Variants in SPEN observed in about 807,000 individuals in gnomAD.
SPEN encodes the protein msx2-interacting protein.
In SPEN, 18 loss-of-function variants were observed where a neutral mutation model predicts 269.9. The observed-to-expected ratio is 0.07, with a 90% confidence interval of 0.05 to 0.10. The LOEUF (loss-of-function observed/expected upper bound fraction) is 0.10, where lower values mean the gene tolerates loss of function less well. Among genes scored for constraint, SPEN ranks in the 10% least tolerant of loss-of-function variants. The pLI is 1.00. For synonymous variants in SPEN, 1,726 were observed against 1,765.7 expected (o/e 0.98, Z 0.56); for missense variants, 3,822 against 4,631.2 (o/e 0.83, Z 5.07).
At position 15,879,693 on chromosome 1, in the gene SPEN, C is replaced by T. The variant is rs113577827; in HGVS notation, c.881+3015C>T. On this transcript the variant is annotated intron_variant, in intron 3 of 14. Coordinates refer to ENST00000375759, the MANE Select transcript of SPEN (RefSeq NM_015001.3). ...CAGACAAATTTTTTTTTTTTTGAGG[C>T]GGAGTCTCGCTCTGTCACCCAGGCT... Among the ~76,000 whole-genome samples, 1,150 of 148,426 alleles carry T rather than the reference C, an allele frequency of 7.7e-3. 26 individuals are homozygous for T. Among genetic ancestry groups the T allele is most frequent in the African/African-American group, 0.027 (1,092 of 40,434 alleles).
At position 15,876,689 on chromosome 1, in the gene SPEN, A is replaced by G. The variant is rs1294906260; in HGVS notation, c.881+11A>G. ...TACCAGCAGTGACAGGTAGGTTAACAGCCTTTTGTTATAACAGATGAGCTA... is the reference window on the plus strand; with the variant it reads ...TACCAGCAGTGACAGGTAGGTTAACGGCCTTTTGTTATAACAGATGAGCTA... On this transcript the variant is annotated intron_variant, in intron 3 of 14. Transcript: ENST00000375759. 1.9e-6 allele frequency: 3 copies of G among 1,592,934 alleles called. No individual in the cohort carries two copies. In the African/African-American group the frequency reaches 4.0e-5, roughly 21 times the overall value.
rs753620435 is a variant in SPEN, at chr1:15,872,969, T to C, written c.237T>C (p.Asn79=). ...MGDRDLRTDY[N]EPGTIPSAAR... ...ACAGAGACCTACGCACGGATTATAA[T>C]GAACCAGGCACCATCCCGAGTGCTG... Residue 79 remains asparagine, a synonymous_variant, in exon 2 of 15, where the codon AAT becomes AAC. Transcript: ENST00000375759. 6.2e-7 allele frequency: 1 copy of C among 1,614,154 alleles called. No individual in the cohort carries two copies. Among genetic ancestry groups the C allele is most frequent in the Non-Finnish European group, 8.5e-7 (1 of 1,180,020 alleles).
At chr1:15,883,715 ATT>A (rs112580388) in intron 3 of SPEN, among the ~76,000 whole-genome samples, 6 of 148,446 alleles carry the variant, frequency 4.0e-5, no homozygotes, top group African/African-American at 1.2e-4. Context: ...CTGTCTGTAT[ATT>A]TTTTTTTAAT....
In SPEN at chr1:15,932,058, G is replaced by A. The variant is rs755331266; in HGVS notation, c.5818G>A (p.Glu1940Lys). Residue 1940 changes from glutamate (E) to lysine (K), a missense_variant, in exon 11 of 15, where the codon GAG becomes AAG. Transcript: ENST00000375759. This position sits in a 1 kb window ranked among gnomAD's most constrained non-coding sequence, Gnocchi z 4.2. ...TRKRLERELQEAAAVPTTPRR... is the reference protein window; with the variant it reads ...TRKRLERELQKAAAVPTTPRR... ...AAAGAGATTGGAGCGAGAGCTTCAGGAGGCTGCAGCGGTTCCCACCACCCC... is the reference window on the plus strand; with the variant it reads ...AAAGAGATTGGAGCGAGAGCTTCAGAAGGCTGCAGCGGTTCCCACCACCCC... 5.4e-5 allele frequency: 87 copies of A among 1,614,090 alleles called. No homozygotes were observed. The highest frequency in any genetic ancestry group is 9.3e-5 in the African/African-American group (7 of 74,936).
intron 5 of SPEN, among the ~76,000 whole-genome samples, chr1:15,914,787 G>A (rs1487304769): frequency 6.6e-6 from 1 of 152,068 alleles, no homozygotes; most frequent in Non-Finnish European, 1.5e-5. Context: ...TTGCTCCGCT[G>A]CACTCCAGCC....
Position 15,934,540 on chromosome 1 carries a change from T to C in SPEN, c.8300T>C (p.Ile2767Thr), listed in dbSNP as rs780621952. 1.9e-6 allele frequency: 3 copies of C among 1,614,046 alleles called. No homozygotes were observed. In the Admixed American group the frequency reaches 5.0e-5, roughly 27 times the overall value. The change falls in exon 11 of 15, where the codon ATT (isoleucine) becomes ACT (threonine). Residue 2767 changes from isoleucine to threonine, a missense_variant. Ile to Thr is a moderately conservative substitution (Grantham distance 89). Around this residue, in one of 16 missense-constraint regions of SPEN, gnomAD observed 329 missense variants for 431.2 expected, o/e 0.76. Coordinates refer to ENST00000375759, the MANE Select transcript of SPEN (RefSeq NM_015001.3). The surrounding 1 kb of genome is among the most constrained non-coding windows in gnomAD (Gnocchi z 9.2). ...ACGGTGACAATGGCAGGGGCAGTGA[T>C]TGCGCCGTCAACAAAGTGCAAACAG... ...TGTVTMAGAV[I>T]APSTKCKQRA...
intron 2 of SPEN, chr1:15,874,510 C>A: frequency 1.4e-6 from 1 of 731,746 alleles, no homozygotes; most frequent in Non-Finnish European, 1.9e-6. Flanking sequence ...AGAGAATAGC[C>A]ATTAGATTTC....
intron 3 of SPEN, among the ~76,000 whole-genome samples, chr1:15,905,864 T>C (rs527279063): frequency 6.6e-6 from 1 of 152,336 alleles, no homozygotes; most frequent in South Asian, 2.1e-4. Context: ...TGAGCTACCG[T>C]GCTCGGCCCT....
chr1:15,849,860 T>G (rs1359809045), intron 1 of SPEN, among the ~76,000 whole-genome samples: 1 of 152,176 alleles, frequency 6.6e-6, no homozygotes, highest in Non-Finnish European at 1.5e-5. Context: ...CCTGTGGACT[T>G]TCTCTGTAGG....
rs1445557546 is a variant in SPEN, at chr1:15,930,827, T to G, written c.4587T>G (p.Arg1529=). Residue 1529 remains arginine (R), a synonymous_variant, in exon 11 of 15, where the codon CGT becomes CGG. Coordinates refer to ENST00000375759, the MANE Select transcript of SPEN (RefSeq NM_015001.3). This position sits in a 1 kb window ranked among gnomAD's most constrained non-coding sequence, Gnocchi z 5.3. ...AGAGGCAGGAATTGTTTGCTTCTCG[T>G]TTTTTACACAGCTCAATCTTTGAAC... ...EQERQELFAS[R]FLHSSIFEQD... is the part of the protein sequence containing the mutation. 1.2e-6 allele frequency: 2 copies of G among 1,614,026 alleles called. No individual in the cohort carries two copies. The highest frequency in any genetic ancestry group is 1.7e-6 in the Non-Finnish European group (2 of 1,180,028).
intron 5 of SPEN, 30 bp from the exon 6 acceptor site, chr1:15,916,098 C>G: frequency 1.3e-6 from 2 of 1,587,614 alleles, no homozygotes; most frequent in Non-Finnish European, 8.5e-7. Context: ...ACTGTCTTCT[C>G]TTTTTACTCG....
rs2071201814 is a variant in SPEN, at chr1:15,929,617, G to A, written c.3377G>A (p.Arg1126Lys). 2 of 1,613,986 alleles carry A rather than the reference G, an allele frequency of 1.2e-6. No homozygotes were observed. The highest frequency in any genetic ancestry group is 8.5e-7 in the Non-Finnish European group (1 of 1,180,010). ...GTATTAGATGATCAAGGACCAGAGA[G>A]AGAAGACGTTAGGAAAAACTATTGC... ...LQVLDDQGPE[R>K]EDVRKNYCSL... The change falls in exon 11 of 15, where the codon AGA (arginine) becomes AAA (lysine). Residue 1126 changes from arginine to lysine, a missense_variant. Arg to Lys is a conservative substitution (Grantham distance 26). Coordinates refer to ENST00000375759, the MANE Select transcript of SPEN (RefSeq NM_015001.3). The surrounding 1 kb of genome is among the most constrained non-coding windows in gnomAD (Gnocchi z 5.8).
intron 1 of SPEN, among the ~76,000 whole-genome samples, chr1:15,862,445 GTATAAA>G (rs1418204706): frequency 6.2e-4 from 94 of 152,226 alleles, no homozygotes; most frequent in African/African-American, 2.1e-3. Context: ...GATTCTTGCA[GTATAAA>G]CTCCTGTCTT....
intron 3 of SPEN, among the ~76,000 whole-genome samples, chr1:15,880,323 A>G (rs889498048): frequency 6.6e-6 from 1 of 151,736 alleles, no homozygotes; most frequent in Non-Finnish European, 1.5e-5. Context: ...ATATATAGTC[A>G]TATTTTCTAG....
chr1:15,923,068 A>T (rs1360034073), intron 10 of SPEN, among the ~76,000 whole-genome samples: 1 of 152,200 alleles, frequency 6.6e-6, no homozygotes, highest in Non-Finnish European at 1.5e-5. Flanking sequence ...TCATACATTT[A>T]ACTTAAAAAA....
At chr1:15,874,412 C>G in intron 2 of SPEN, 2 of 1,348,724 alleles carry the variant, frequency 1.5e-6, no homozygotes, top group Non-Finnish European at 2.0e-6. Context: ...ATGTCCTGAC[C>G]TGTGTATATT....
chr1:15,860,378 GGT>G (rs60005872), intron 1 of SPEN, among the ~76,000 whole-genome samples: 9,729 of 121,038 alleles, frequency 0.08, 311 homozygotes, highest in Middle Eastern at 0.097. Flanking sequence ...TAGCTTCAGA[GGT>G]GTGTGTGTGT....
intron 3 of SPEN, among the ~76,000 whole-genome samples, chr1:15,887,900 C>T (rs1057435639): frequency 2.7e-5 from 4 of 150,640 alleles, no homozygotes; most frequent in Middle Eastern, 3.4e-3. Flanking sequence ...GTATGGTGGA[C>T]GCCTATAATC....
At chr1:15,869,788 G>A (rs980581769) in intron 1 of SPEN, among the ~76,000 whole-genome samples, 1 of 151,856 alleles carries the variant, frequency 6.6e-6, no homozygotes, top group African/African-American at 2.4e-5. Context: ...AGCCAAACTT[G>A]AATATATTCA....
Sources: allele counts gnomAD v4.1 joint callset (sites outside exome capture counted in the v4.1 genomes callset), GRCh38; gene constraint gnomAD v4.1.1; regional missense constraint gnomAD v4.1.1; non-coding constraint Gnocchi (gnomAD v3.1); transcripts MANE v1.5; gene names NCBI Gene and HGNC (gene_info 2026-07-23, HGNC 2026-07-21).